MS4A6A: variants seen among roughly 807,000 people sequenced by gnomAD.
The protein encoded by MS4A6A is membrane-spanning 4-domains subfamily A member 6A.
MS4A6A carries 19 observed loss-of-function variants against 20.6 expected under a neutral mutation model. The observed-to-expected ratio is 0.92, with a 90% CI of 0.64 to 1.36. The LOEUF (loss-of-function observed/expected upper bound fraction) is 1.36, where lower values mean the gene tolerates loss of function less well. Among genes scored for constraint, MS4A6A ranks in the 40% most tolerant of loss-of-function variants. The probability of loss-of-function intolerance (pLI) is 0.00; values close to 1 mark genes in which losing one functional copy is unlikely to be tolerated. For missense variants in MS4A6A, 272 were observed against 261.1 expected, an observed-to-expected ratio of 1.04 and a Z score of -0.29; for synonymous variants, 108 against 105.0, an observed-to-expected ratio of 1.03 and a Z score of -0.17.
intron 3 of MS4A6A, chr11:60,178,652 ATGGTT>A: frequency 3.5e-6 from 1 of 288,928 alleles, no homozygotes; most frequent in Non-Finnish European, 6.6e-6. Flanking sequence ...CATAAAAGCA[ATGGTT>A]AAAAAAAAAA....
rs561218687 is a variant in MS4A6A at position 60,179,225 on chromosome 11, GC to G, written c.282+605del. 4.4e-3 allele frequency among the ~76,000 whole-genome samples: 670 copies of G among 152,258 alleles called. 3 individuals carry two copies. The highest frequency in any genetic ancestry group is 8.2e-3 in the Non-Finnish European group (560 of 68,010). ...GAAAGGGAAACTTACCTATGAGAAA[GC>G]CCCCATCTTAGAGAAAGCAGTTCTC... On this transcript the variant is annotated intron_variant, in intron 3 of 5. Transcript: ENST00000528851.
At chr11:60,178,624 A>C (rs898859534) in intron 3 of MS4A6A, among the ~76,000 whole-genome samples, 1 of 152,130 alleles carries the variant, frequency 6.6e-6, no homozygotes, top group Non-Finnish European at 1.5e-5. Flanking sequence ...TTGGTGTAAG[A>C]TGTTCTCTAG....
chr11:60,179,836 A>T lies in MS4A6A; in HGVS notation c.277T>A (p.Phe93Ile), dbSNP rs375980883. The T allele has an allele frequency of 9.9e-6, 16 of 1,614,010 alleles. No individual in the cohort carries two copies. In the African/African-American group the frequency reaches 2.0e-4, roughly 20 times the overall value. ...LNSAYPFIGP[F>I]FFIISGSLSI... Reference sequence around the variant, plus strand: ...TCCTCAGAAACTCTACTCACAAAAAAGGGTCCTATGAATGGGTAAGCAGAG... The same window carrying T: ...TCCTCAGAAACTCTACTCACAAAAATGGGTCCTATGAATGGGTAAGCAGAG... Residue 93 changes from phenylalanine (F) to isoleucine (I), a missense_variant, in exon 3 of 6, where the codon TTT becomes ATT. Coordinates refer to ENST00000528851, the MANE Select transcript of MS4A6A (RefSeq NM_022349.4).
rs758888269 is a variant in MS4A6A, at chr11:60,179,968, G to T, written c.148-3C>A. ...ATGCCACACAAGATCTGGATAGTCT[G>T]TGGGAAGAGAAAGTGAGATTGAGGA... On this transcript the variant is annotated splice_polypyrimidine_tract_variant and splice_region_variant and intron_variant, in intron 2 of 5. Coordinates refer to ENST00000528851, the MANE Select transcript of MS4A6A (RefSeq NM_022349.4). 1.2e-6 allele frequency: 2 copies of T among 1,611,620 alleles called. No individual in the cohort carries two copies. Among genetic ancestry groups the T allele is most frequent in the Non-Finnish European group, 1.7e-6 (2 of 1,178,736 alleles).
intron 4 of MS4A6A, among the ~76,000 whole-genome samples, chr11:60,176,061 T>A (rs979852387): frequency 6.6e-6 from 1 of 152,244 alleles, no homozygotes; most frequent in Non-Finnish European, 1.5e-5. Flanking sequence ...GCAAAAGTAA[T>A]TGTGGTTTTT....
chr11:60,175,322 T>C (rs1021004501), intron 5 of MS4A6A, 80 bp downstream of exon 5: 64 of 1,227,100 alleles, frequency 5.2e-5, no homozygotes, highest in Non-Finnish European at 7.3e-5. Flanking sequence ...AATAGAGAGA[T>C]TTTCAAAAGA....
At position 60,175,082 on chromosome 11, in the gene MS4A6A, C is replaced by T. The variant is rs114465730; in HGVS notation, c.549+320G>A. Among the ~76,000 whole-genome samples the T allele has an allele frequency of 8.8e-3, 1,338 of 152,230 alleles. 30 individuals are homozygous for T. Among genetic ancestry groups the T allele is most frequent in the African/African-American group, 0.031 (1,277 of 41,558 alleles). On this transcript the variant is annotated intron_variant, in intron 5 of 5. Coordinates refer to ENST00000528851, the MANE Select transcript of MS4A6A (RefSeq NM_022349.4). ...CTCTGTTTCCATTCTTAATTCACCA[C>T]TCCATGTACCAAGATTCTCATTTTG...
intron 5 of MS4A6A, among the ~76,000 whole-genome samples, chr11:60,173,372 C>T (rs1317652718): frequency 1.3e-5 from 2 of 152,200 alleles, no homozygotes; most frequent in South Asian, 2.1e-4. Context: ...CTACTTCATA[C>T]ACTTATTTCT....
intron 5 of MS4A6A, 23 bp from the exon 6 acceptor site, chr11:60,173,152 T>G (rs752448037): frequency 1.9e-6 from 3 of 1,607,778 alleles, no homozygotes; most frequent in Non-Finnish European, 2.6e-6. Context: ...AAATAAAAGA[T>G]TGATGTTGCT....
chr11:60,172,469 G>A (rs1166156035), downstream of MS4A6A: 1 of 1,262,192 alleles, frequency 7.9e-7, no homozygotes, highest in Non-Finnish European at 1.0e-6. Context: ...TTTTAATTCA[G>A]TTAAATAAAG....
chr11:60,178,472 T>A (rs1856962813), intron 3 of MS4A6A, 156 bp from the exon 4 acceptor site: 1 of 570,632 alleles, frequency 1.8e-6, no homozygotes, highest in Non-Finnish European at 3.1e-6. Flanking sequence ...TTTGTCCCTT[T>A]GTCCATATAA....
chr11:60,176,924 AG>A (rs1396690871), intron 4 of MS4A6A: 1 of 152,152 alleles, frequency 6.6e-6, no homozygotes, highest in Non-Finnish European at 1.5e-5. Flanking sequence ...CTGGAGTAAC[AG>A]GCCCATATAT....
rs1590684301 is a variant in MS4A6A, at chr11:60,181,519, A to G, written c.147+62T>C. On this transcript the variant is annotated intron_variant, in intron 2 of 5. Transcript: ENST00000528851. ...CTCACGACAGATGTCCAGTCCCAAG[A>G]CATATATCATCTCTTGGCACTTCCC... 10 of 1,596,904 alleles carry G rather than the reference A, an allele frequency of 6.3e-6. 1 individual carries two copies. In the Middle Eastern group the frequency reaches 1.2e-3, roughly 190 times the overall value.
chr11:60,175,704 GT>G, intron 4 of MS4A6A, 93 bp from the exon 5 acceptor site: 2 of 1,325,408 alleles, frequency 1.5e-6, no homozygotes, highest in Non-Finnish European at 2.1e-6. Flanking sequence ...TCCCTTATCT[GT>G]CCCCTCAGGA....
intron 1 of MS4A6A, 98 bp from the exon 2 acceptor site, chr11:60,181,839 T>G (rs1857153098): frequency 8.3e-7 from 1 of 1,204,544 alleles, no homozygotes. Flanking sequence ...TAGTCTAGGC[T>G]TGGCCTGTCC....
chr11:60,175,463 G>A lies in MS4A6A; in HGVS notation c.488C>T (p.Ser163Phe), dbSNP rs749297129. 1.9e-6 allele frequency: 3 copies of A among 1,614,142 alleles called. No homozygotes were observed. In the East Asian group the frequency reaches 6.7e-5, roughly 36 times the overall value. ...KNNIPTRSYV[S>F]YFYHDSLYTT... ...ATAAAGTGAATCATGATAAAAGTAA[G>A]AAACATAACTTCTTGTTGGTATATT... The change falls in exon 5 of 6, where the codon TCT becomes TTT. Residue 163 changes from serine to phenylalanine, a missense_variant. Physicochemically the swap from Ser to Phe is radical, Grantham distance 155 (BLOSUM62 -2). Transcript: ENST00000528851.
rs919855403 is a variant in MS4A6A, at chr11:60,172,922, C to T, written c.*79G>A. ...TGCAAATGCCCTCCCATGTGTATCT[C>T]ATGACTGACTGATTGTTCCTTCTAC... On this transcript the variant is annotated 3_prime_UTR_variant, in exon 6 of 6. Transcript: ENST00000528851. 48 of 1,596,510 alleles carry T rather than the reference C, an allele frequency of 3.0e-5. No homozygotes were observed. Among genetic ancestry groups the T allele is most frequent in the African/African-American group, 1.6e-4 (12 of 74,624 alleles).
At chr11:60,174,253 C>T (rs1398304144) in intron 5 of MS4A6A, among the ~76,000 whole-genome samples, 1 of 152,106 alleles carries the variant, frequency 6.6e-6, no homozygotes, top group Non-Finnish European at 1.5e-5. Context: ...ATCTGTCCAT[C>T]TTCCAGCTGA....
chr11:60,180,433 G>C (rs1857074098), intron 2 of MS4A6A: 1 of 160,736 alleles, frequency 6.2e-6, no homozygotes, highest in African/African-American at 2.4e-5. Flanking sequence ...TTGCCCCTTT[G>C]GTCACTTCCT....
Sources: gnomAD v4.1 joint callset for allele counts (sites outside exome capture counted in the v4.1 genomes callset) on GRCh38, gnomAD v4.1.1 for gene constraint, MANE v1.5 for transcripts, NCBI Gene and HGNC (gene_info 2026-07-23, HGNC 2026-07-21) for gene names.